Variants in E2F5 observed in about 807,000 individuals in gnomAD.
E2F5 encodes E2F transcription factor 5, also known as transcription factor E2F5.
A neutral mutation model predicts 39.1 loss-of-function variants in E2F5; 23 were observed. The observed-to-expected ratio is 0.59, with a 90% CI of 0.42 to 0.83. The LOEUF (loss-of-function observed/expected upper bound fraction) is 0.83. E2F5 is among the 40% of genes least tolerant of loss of function. The pLI is 0.00. For missense variants in E2F5, 365 were observed against 406.7 expected, an observed-to-expected ratio of 0.90 and a Z score of 0.88; for synonymous variants, 145 against 157.8, an observed-to-expected ratio of 0.92 and a Z score of 0.61.
At position 85,214,009 on chromosome 8, in the gene E2F5, CACAAAACTTCAACCATAAAA is replaced by C; in HGVS notation, c.*153_*172del. On this transcript the variant is annotated 3_prime_UTR_variant, in exon 8 of 8. Coordinates refer to ENST00000416274, the MANE Select transcript of E2F5 (RefSeq NM_001951.4). ...TTCTTCCCTAATACTTTCTTTACTTCACAAAACTTCAACCATAAAAACAAAGGGCTCTGATTGCTTTAGGG... is the reference window on the plus strand; with the variant it reads ...TTCTTCCCTAATACTTTCTTTACTTCACAAAGGGCTCTGATTGCTTTAGGG... The C allele has an allele frequency of 1.6e-6, 1 of 607,406 alleles. No individual in the cohort carries two copies. Among genetic ancestry groups the C allele is most frequent in the Non-Finnish European group, 2.9e-6 (1 of 347,612 alleles). The allele number at this position is 607,406 out of a possible 1,614,324, so 37.6% of individuals were successfully genotyped here.
At chr8:85,182,211 T>A (rs1006217489) in intron 1 of E2F5, among the ~76,000 whole-genome samples, 1 of 152,226 alleles carries the variant, frequency 6.6e-6, no homozygotes, top group African/African-American at 2.4e-5. Context: ...TTTGCCAGTT[T>A]ATGCTGTTAA....
intron 4 of E2F5, among the ~76,000 whole-genome samples, chr8:85,207,092 A>C (rs1232914409): frequency 6.6e-6 from 1 of 152,196 alleles, no homozygotes; most frequent in African/African-American, 2.4e-5. Context: ...CCTCAGTCCA[A>C]TGAACAGTGT....
At position 85,207,483 on chromosome 8, in the gene E2F5, A is replaced by C. The variant is rs1224078715; in HGVS notation, c.609A>C (p.Pro203=). Reference sequence around the variant, plus strand: ...GTACACAACTGGAGGTACCCATTCCAGAAATGGTATGTAGGATAACTTATG... The same window carrying C: ...GTACACAACTGGAGGTACCCATTCCCGAAATGGTATGTAGGATAACTTATG... ...PSGTQLEVPI[P]EMGQNGQKKY... Residue 203 remains proline (P), a synonymous_variant, in exon 5 of 8, where the codon CCA becomes CCC. Transcript: ENST00000416274. The C allele has an allele frequency of 6.4e-7, 1 of 1,558,196 alleles. No homozygotes were observed. The highest frequency in any genetic ancestry group is 1.9e-5 in the Admixed American group (1 of 51,758).
intron 6 of E2F5, among the ~76,000 whole-genome samples, chr8:85,209,948 G>T (rs1268875888): frequency 6.6e-6 from 1 of 152,240 alleles, no homozygotes; most frequent in Middle Eastern, 3.4e-3. Flanking sequence ...GTGATAAATG[G>T]TCTCAACTCC....
At position 85,209,333 on chromosome 8, in the gene E2F5, T is replaced by C. The variant is rs755510333; in HGVS notation, c.807T>C (p.Thr269=). The change falls in exon 6 of 8, where the codon ACT becomes ACC. Residue 269 remains threonine, a synonymous_variant. Coordinates refer to ENST00000416274, the MANE Select transcript of E2F5 (RefSeq NM_001951.4). The stretch of plus-strand genomic sequence containing the variant: ...CTCCACAGAAATCCAGCATGGCAAC[T>C]CAAAATCTGCCTGAGCAACATGTCT... ...PVTPQKSSMA[T]QNLPEQHVSE... 1.2e-6 allele frequency: 2 copies of C among 1,614,002 alleles called. No individual in the cohort carries two copies. The highest frequency in any genetic ancestry group is 1.7e-6 in the Non-Finnish European group (2 of 1,179,900).
chr8:85,202,111 C>G (rs1164247015), intron 1 of E2F5, 36 bp from the exon 2 acceptor site: 15 of 1,553,682 alleles, frequency 9.7e-6, no homozygotes, highest in African/African-American at 2.7e-5. Context: ...ATGACTTGCC[C>G]TTTATTTCAC....
chr8:85,190,559 A>G (rs1455749391), intron 1 of E2F5, among the ~76,000 whole-genome samples: 1 of 123,556 alleles, frequency 8.1e-6, no homozygotes, highest in South Asian at 2.6e-4. Flanking sequence ...GTTGAAGTGC[A>G]GTGGTGTGAT....
intron 1 of E2F5, among the ~76,000 whole-genome samples, chr8:85,194,071 C>T (rs186052322): frequency 9.2e-5 from 14 of 151,656 alleles, no homozygotes; most frequent in Admixed American, 7.9e-4. Context: ...ATCTTTTGTC[C>T]GTGTTTTATT....
rs759312148 is a variant in E2F5 at position 85,177,518 on chromosome 8, C to G, written c.98C>G (p.Pro33Arg). 3.9e-5 allele frequency: 44 copies of G among 1,123,986 alleles called. No individual in the cohort carries two copies. The Middle Eastern group carries it at 1.1e-3, about 29-fold the overall frequency. The allele number at this position is 1,123,986 out of a possible 1,614,324, so 69.6% of individuals were successfully genotyped here. The change falls in exon 1 of 8, where the codon CCG becomes CGG. Residue 33 changes from proline to arginine, a missense_variant. By Grantham distance (103) the Pro-to-Arg change is moderately radical (BLOSUM62 -2). Transcript: ENST00000416274. ...CCGCAGCCTCCGCAGGCGCAAGCCC[C>G]GCAGCCGCCCCCGCCGCCGCAGCTC... ...PPPQPPQAQA[P>R]QPPPPPQLGG...
chr8:85,211,536 G>C (rs1030534766), intron 6 of E2F5, among the ~76,000 whole-genome samples: 3 of 151,718 alleles, frequency 2.0e-5, no homozygotes, highest in Non-Finnish European at 4.4e-5. Flanking sequence ...AAGTTAACAG[G>C]AATGGAAAGT....
rs757864672 is a variant in E2F5 at position 85,202,154 on chromosome 8, A to T, written c.242A>T (p.Asp81Val). The change falls in exon 2 of 8, where the codon GAT becomes GTT. Residue 81 changes from aspartate to valine, a missense_variant. Coordinates refer to ENST00000416274, the MANE Select transcript of E2F5 (RefSeq NM_001951.4). ...GTTGTCTTTCCTGAACAGGCTGCTG[A>T]TACTTTGGCTGTGAGGCAAAAAAGG... The part of the protein sequence containing the change: ...DGVLDLKAAA[D>V]TLAVRQKRRI... 5.0e-6 allele frequency: 8 copies of T among 1,612,556 alleles called. No individual in the cohort carries two copies. Among genetic ancestry groups the T allele is most frequent in the Non-Finnish European group, 5.9e-6 (7 of 1,179,306 alleles).
intron 4 of E2F5, 34 bp from the exon 5 acceptor site, chr8:85,207,391 T>A (rs1484664068): frequency 6.5e-7 from 1 of 1,534,934 alleles, no homozygotes; most frequent in East Asian, 2.5e-5. Context: ...ATCAACAGTA[T>A]TTTATGTAAC....
intron 5 of E2F5, among the ~76,000 whole-genome samples, chr8:85,208,912 T>A (rs773803703): frequency 2.0e-5 from 3 of 150,598 alleles, no homozygotes; most frequent in Non-Finnish European, 4.4e-5. Flanking sequence ...CAACAGAGAG[T>A]TTCTAATGAT....
chr8:85,207,583 T>A (rs1812825375), intron 5 of E2F5, 94 bp downstream of exon 5: 2 of 1,021,036 alleles, frequency 2.0e-6, no homozygotes, highest in Non-Finnish European at 2.8e-6. Context: ...GCTAATTGTG[T>A]AAACACTGTG....
Position 85,202,154 on chromosome 8 carries a change from A to C in E2F5, c.242A>C (p.Asp81Ala), listed in dbSNP as rs757864672. 7 of 1,612,556 alleles carry C rather than the reference A, an allele frequency of 4.3e-6. No homozygotes were observed. The highest frequency in any genetic ancestry group is 5.9e-6 in the Non-Finnish European group (7 of 1,179,306). ...DGVLDLKAAA[D>A]TLAVRQKRRI... ...GTTGTCTTTCCTGAACAGGCTGCTG[A>C]TACTTTGGCTGTGAGGCAAAAAAGG... Residue 81 changes from aspartate to alanine, a missense_variant, in exon 2 of 8, where the codon GAT (aspartate) becomes GCT (alanine). Physicochemically the swap from Asp to Ala is moderately radical, Grantham distance 126. Coordinates refer to ENST00000416274, the MANE Select transcript of E2F5 (RefSeq NM_001951.4).
At chr8:85,182,088 G>A (rs1332879822) in intron 1 of E2F5, among the ~76,000 whole-genome samples, 2 of 152,150 alleles carry the variant, frequency 1.3e-5, no homozygotes, top group African/African-American at 4.8e-5. Context: ...CATTATCTCT[G>A]CAGCTTCACC....
At chr8:85,189,328 A>C (rs779579377) in intron 1 of E2F5, among the ~76,000 whole-genome samples, 1 of 152,076 alleles carries the variant, frequency 6.6e-6, no homozygotes, top group African/African-American at 2.4e-5. Context: ...ATTTCTTGCA[A>C]CTTTTTATAG....
intron 1 of E2F5, among the ~76,000 whole-genome samples, chr8:85,178,952 GTAAT>G (rs530235025): frequency 1.3e-5 from 2 of 152,310 alleles, no homozygotes; most frequent in African/African-American, 4.8e-5. Flanking sequence ...ATTTTGGTAA[GTAAT>G]TTCTACTATT....
At chr8:85,208,582 A>G (rs1554684129) in intron 5 of E2F5, among the ~76,000 whole-genome samples, 1 of 152,068 alleles carries the variant, frequency 6.6e-6, no homozygotes, top group Non-Finnish European at 1.5e-5. Flanking sequence ...TATATTATCT[A>G]CCTCCTTCCC....
Sources: gnomAD v4.1 joint callset for allele counts (sites outside exome capture counted in the v4.1 genomes callset) on GRCh38, gnomAD v4.1.1 for gene constraint, MANE v1.5 for transcripts, NCBI Gene and HGNC (gene_info 2026-07-23, HGNC 2026-07-21) for gene names.